The following EEPD1 variants were observed in gnomAD, a reference collection of about 807,000 sequenced individuals.
EEPD1 encodes endonuclease/exonuclease/phosphatase family domain containing 1.
EEPD1 carries 17 observed loss-of-function variants against 46.3 expected under a neutral mutation model. The ratio of observed to expected loss-of-function variants is 0.37; its 90% CI spans 0.25 to 0.55. The LOEUF is 0.55. Among genes scored for constraint, EEPD1 ranks in the 20% least tolerant of loss-of-function variants. The probability of loss-of-function intolerance (pLI) is 0.83; values close to 1 mark genes in which losing one functional copy is unlikely to be tolerated. For synonymous variants in EEPD1, 313 were observed against 315.6 expected (o/e 0.99, Z 0.09); for missense variants, 673 against 745.6 (o/e 0.90, Z 1.13).
intron 4 of EEPD1, among the ~76,000 whole-genome samples, chr7:36,283,773 C>T (rs1344775072): frequency 6.6e-6 from 1 of 152,192 alleles, no homozygotes; most frequent in South Asian, 2.1e-4. Context: ...CAGAGCTGAC[C>T]TTGGGGACTT....
chr7:36,227,679 GT>G (rs1244760106), intron 2 of EEPD1, among the ~76,000 whole-genome samples: 1 of 152,034 alleles, frequency 6.6e-6, no homozygotes, highest in Non-Finnish European at 1.5e-5. Flanking sequence ...AGCACTTTGG[GT>G]TTTTTTGGTT....
intron 3 of EEPD1, among the ~76,000 whole-genome samples, chr7:36,260,030 C>A (rs1786896287): frequency 6.6e-6 from 1 of 152,140 alleles, no homozygotes; most frequent in Non-Finnish European, 1.5e-5. Flanking sequence ...TATTAGATTT[C>A]TATGTATTAT....
At chr7:36,207,396 C>T (rs146719552) in intron 2 of EEPD1, among the ~76,000 whole-genome samples, 114 of 152,310 alleles carry the variant, frequency 7.5e-4, no homozygotes, top group African/African-American at 2.6e-3. Flanking sequence ...GAGCACTGCA[C>T]GTTCTGAACA....
chr7:36,228,370 A>G (rs1244733426), intron 2 of EEPD1, among the ~76,000 whole-genome samples: 1 of 152,080 alleles, frequency 6.6e-6, no homozygotes, highest in African/African-American at 2.4e-5. Flanking sequence ...TTTACTAAAA[A>G]TACAAAATTA....
At position 36,287,656 on chromosome 7, in the gene EEPD1, G is replaced by C. The variant is rs751955276; in HGVS notation, c.1194G>C (p.Leu398=). ...CTGCCTAGGTGGGAAGTCACGACCT[G>C]ACCCTTGTTAACCTTCACCTGGCAG... ...LGRFKVGSHD[L]TLVNLHLAAL... Residue 398 remains leucine (L), a synonymous_variant, in exon 6 of 8, where the codon CTG becomes CTC. Transcript: ENST00000242108. 3 of 1,613,938 alleles carry C rather than the reference G, an allele frequency of 1.9e-6. No individual in the cohort carries two copies. The highest frequency in any genetic ancestry group is 2.5e-6 in the Non-Finnish European group (3 of 1,179,972).
chr7:36,270,135 G>C (rs546531038), intron 3 of EEPD1, among the ~76,000 whole-genome samples: 1 of 152,164 alleles, frequency 6.6e-6, no homozygotes, highest in South Asian at 2.1e-4. Context: ...TGTGTATACA[G>C]ACATATAAGA....
chr7:36,193,530 T>G lies in EEPD1; in HGVS notation c.878+38328T>G, dbSNP rs1046930048. Among the ~76,000 whole-genome samples, 1 of 152,148 alleles carries G rather than the reference T, an allele frequency of 6.6e-6. No individual in the cohort carries two copies. The highest frequency in any genetic ancestry group is 1.5e-5 in the Non-Finnish European group (1 of 68,016). ...CCATGGGAAGCACCCAGGGCTGGGC[T>G]CTGGGTGTATCTTCTGTGTTTTGAT... On this transcript the variant is annotated intron_variant, in intron 2 of 7. Coordinates refer to ENST00000242108, the MANE Select transcript of EEPD1 (RefSeq NM_030636.3). The surrounding 1 kb of genome is among the most constrained non-coding windows in gnomAD (Gnocchi z 4.9).
At chr7:36,175,704 G>T (rs1008102204) in intron 2 of EEPD1, among the ~76,000 whole-genome samples, 2 of 152,170 alleles carry the variant, frequency 1.3e-5, no homozygotes, top group African/African-American at 4.8e-5. Context: ...TGACAGCTCA[G>T]TGTCTTCAGA....
rs931551517 is a variant in EEPD1 at position 36,252,051 on chromosome 7, A to G, written c.930+13015A>G. 4.6e-5 allele frequency among the ~76,000 whole-genome samples: 7 copies of G among 152,202 alleles called. No individual in the cohort carries two copies. In the South Asian group the frequency reaches 6.2e-4, roughly 13 times the overall value. On this transcript the variant is annotated intron_variant, in intron 3 of 7. Coordinates refer to ENST00000242108, the MANE Select transcript of EEPD1 (RefSeq NM_030636.3). Reference sequence around the variant, plus strand: ...GCTTGGGGAACCTGCATCCACTGCCATCTTTTACTCACGATGGTTGTTTAA... The same window carrying G: ...GCTTGGGGAACCTGCATCCACTGCCGTCTTTTACTCACGATGGTTGTTTAA...
At chr7:36,157,243 C>T (rs1189072946) in intron 2 of EEPD1, among the ~76,000 whole-genome samples, 2 of 152,164 alleles carry the variant, frequency 1.3e-5, no homozygotes, top group African/African-American at 4.8e-5. Flanking sequence ...GTACAACTGT[C>T]ATTTTTATTT....
chr7:36,173,461 T>C (rs932354803), intron 2 of EEPD1, among the ~76,000 whole-genome samples: 6 of 151,196 alleles, frequency 4.0e-5, no homozygotes, highest in Non-Finnish European at 8.8e-5. Context: ...ATTGCACCAC[T>C]GTACTTCAGC....
intron 2 of EEPD1, among the ~76,000 whole-genome samples, chr7:36,178,896 A>G (rs952466901): frequency 6.6e-6 from 1 of 152,378 alleles, no homozygotes; most frequent in South Asian, 2.1e-4. Context: ...AGAAAAGCCT[A>G]AAGTCTAGAA....
chr7:36,199,586 A>G (rs113283688), intron 2 of EEPD1, among the ~76,000 whole-genome samples: 2,451 of 152,258 alleles, frequency 0.016, 69 homozygotes, highest in African/African-American at 0.056. Flanking sequence ...CTTGAGGTCA[A>G]CAGTGGGTGG....
At chr7:36,277,461 T>C (rs1208913352) in intron 3 of EEPD1, among the ~76,000 whole-genome samples, 1 of 152,208 alleles carries the variant, frequency 6.6e-6, no homozygotes, top group East Asian at 1.9e-4. Context: ...GTAGCTCAAC[T>C]GGGGTCTTGA....
intron 2 of EEPD1, among the ~76,000 whole-genome samples, chr7:36,206,878 G>A (rs535063759): frequency 6.7e-4 from 102 of 152,208 alleles, no homozygotes; most frequent in African/African-American, 2.2e-3. Context: ...GTGAAACACC[G>A]TCTCTACCAA....
chr7:36,297,368 G>A (rs146550435), intron 7 of EEPD1, among the ~76,000 whole-genome samples, 181 bp downstream of exon 7: 4 of 152,126 alleles, frequency 2.6e-5, no homozygotes, highest in African/African-American at 9.7e-5. Context: ...TCAGTCCCGC[G>A]CTAAGGACCA....
Position 36,276,761 on chromosome 7 carries a change from A to G in EEPD1, c.931-4354A>G, listed in dbSNP as rs189903315. Among the ~76,000 whole-genome samples the G allele has an allele frequency of 7.9e-5, 12 of 152,340 alleles. No homozygotes were observed. In the East Asian group the frequency reaches 2.3e-3, roughly 29 times the overall value. ...AAGTACAAACCTTGGCCAGAACCTC[A>G]AAGAACCAGACTCAGGCAATCCAGG... On this transcript the variant is annotated intron_variant, in intron 3 of 7. Transcript: ENST00000242108.
intron 2 of EEPD1, among the ~76,000 whole-genome samples, chr7:36,163,346 C>G (rs961777410): frequency 1.3e-5 from 2 of 151,604 alleles, no homozygotes; most frequent in Admixed American, 6.6e-5. Flanking sequence ...ACTTCATGTC[C>G]CTCTACTCTC....
At chr7:36,273,577 A>C (rs1430526308) in intron 3 of EEPD1, among the ~76,000 whole-genome samples, 2 of 151,898 alleles carry the variant, frequency 1.3e-5, no homozygotes, top group African/African-American at 2.4e-5. Context: ...TATCACAGAG[A>C]AGGAGGGAGA....
Sources: allele counts gnomAD v4.1 joint callset (sites outside exome capture counted in the v4.1 genomes callset), GRCh38; gene constraint gnomAD v4.1.1; non-coding constraint Gnocchi (gnomAD v3.1); transcripts MANE v1.5; gene names NCBI Gene and HGNC (gene_info 2026-07-23, HGNC 2026-07-21).